Variants in LRP1B observed in about 807,000 individuals in gnomAD.
LRP1B encodes low-density lipoprotein receptor-related protein 1B.
LRP1B carries 217 observed loss-of-function variants against 556.6 expected under a neutral mutation model. The ratio of observed to expected loss-of-function variants is 0.39; its 90% CI spans 0.35 to 0.44. The LOEUF is 0.44. Ranked by LOEUF, LRP1B falls within the 20% of genes least tolerant of loss-of-function variation. The probability of loss-of-function intolerance (pLI) is 1.00; values close to 1 mark genes in which losing one functional copy is unlikely to be tolerated. For synonymous variants in LRP1B, 2,047 were observed against 1,865.8 expected (o/e 1.10, Z -2.50); for missense variants, 5,053 against 5,620.8 (o/e 0.90, Z 3.23).
chr2:141,048,872 A>C (rs1698955493), intron 11 of LRP1B, 114 bp downstream of exon 11: 2 of 782,540 alleles, frequency 2.6e-6, no homozygotes, highest in East Asian at 4.9e-5. Flanking sequence ...ATATTTTTGA[A>C]CCAACCAGAA....
chr2:141,333,609 C>T (rs1274119114), intron 3 of LRP1B, among the ~76,000 whole-genome samples: 1 of 152,170 alleles, frequency 6.6e-6, no homozygotes, highest in African/African-American at 2.4e-5. Flanking sequence ...TTAGGATTCA[C>T]AGCAGCTATG....
At chr2:141,163,961 A>G (rs1680144156) in intron 7 of LRP1B, among the ~76,000 whole-genome samples, 1 of 152,128 alleles carries the variant, frequency 6.6e-6, no homozygotes, top group Admixed American at 6.6e-5. Context: ...TTGACATTAT[A>G]TTACTATTTC....
At chr2:141,570,122 G>A (rs6429907) in intron 2 of LRP1B, among the ~76,000 whole-genome samples, 58,422 of 144,110 alleles carry the variant, frequency 0.41, 13,392 homozygotes, top group Non-Finnish European at 0.49. Context: ...AGAGGCATTT[G>A]GAGGCTCCCA....
intron 2 of LRP1B, among the ~76,000 whole-genome samples, chr2:141,694,160 C>T (rs1691647135): frequency 6.6e-6 from 1 of 152,058 alleles, no homozygotes; most frequent in African/African-American, 2.4e-5. Flanking sequence ...CCTCTCTAAG[C>T]CTTGGTTTCT....
rs2105116304 is a variant in LRP1B, at chr2:140,350,944, A to G, written c.11745T>C (p.Ser3915=). ...TTATTCTTGAATTATGTTCAATATG[A>G]GAAATTTGTTGATGATCGCCACTGT... ...FNYSGDHQQI[S]HIEHNSRITG... Residue 3915 remains serine (S), a synonymous_variant, in exon 77 of 91, where the codon TCT becomes TCC. Coordinates refer to ENST00000389484, the MANE Select transcript of LRP1B (RefSeq NM_018557.3). 1.2e-6 allele frequency: 2 copies of G among 1,610,864 alleles called. No homozygotes were observed. Among genetic ancestry groups the G allele is most frequent in the South Asian group, 1.1e-5 (1 of 90,928 alleles).
At chr2:140,429,900 CAT>C (rs70985099) in intron 66 of LRP1B, among the ~76,000 whole-genome samples, 15,098 of 152,088 alleles carry the variant, frequency 0.099, 901 homozygotes, top group Non-Finnish European at 0.12. Context: ...ACACCTGACA[CAT>C]ATACTTTCTG....
chr2:140,339,488 A>G (rs1202154471), intron 77 of LRP1B, among the ~76,000 whole-genome samples: 1 of 151,710 alleles, frequency 6.6e-6, no homozygotes, highest in African/African-American at 2.4e-5. Context: ...ATCTAAGAAT[A>G]GAAAATTTGA....
chr2:141,754,998 T>TTATA (rs368911650), intron 2 of LRP1B, among the ~76,000 whole-genome samples: 3,994 of 151,942 alleles, frequency 0.026, 166 homozygotes, highest in African/African-American at 0.091. Flanking sequence ...TGCTATCCTC[T>TTATA]TATATATATA....
At chr2:141,438,455 T>C (rs116697368) in intron 3 of LRP1B, among the ~76,000 whole-genome samples, 1 of 152,182 alleles carries the variant, frequency 6.6e-6, no homozygotes, top group Non-Finnish European at 1.5e-5. Flanking sequence ...GCATTTTTCA[T>C]TTCTAATTAC....
chr2:140,831,897 G>C (rs1168920218), intron 31 of LRP1B, among the ~76,000 whole-genome samples: 2 of 152,022 alleles, frequency 1.3e-5, no homozygotes, highest in Non-Finnish European at 2.9e-5. Flanking sequence ...CACACAATTG[G>C]CCAACAGATA....
chr2:140,492,487 A>G, intron 57 of LRP1B, 121 bp downstream of exon 57: 1 of 650,750 alleles, frequency 1.5e-6, no homozygotes, highest in South Asian at 2.3e-5. Flanking sequence ...TTCAAAGAAA[A>G]TATTTCTCCT....
chr2:140,839,575 C>A (rs1173750051), intron 31 of LRP1B, among the ~76,000 whole-genome samples: 1 of 152,162 alleles, frequency 6.6e-6, no homozygotes, highest in African/African-American at 2.4e-5. Flanking sequence ...AGTTCTTCAG[C>A]TTTTAGACTC....
intron 2 of LRP1B, among the ~76,000 whole-genome samples, chr2:141,801,562 G>T (rs373873185): frequency 6.6e-6 from 1 of 152,166 alleles, no homozygotes. Context: ...ACCTACTTTT[G>T]AAAAGTTTGG....
chr2:141,174,415 G>T (rs776291258), intron 7 of LRP1B, among the ~76,000 whole-genome samples: 4 of 152,026 alleles, frequency 2.6e-5, no homozygotes, highest in Non-Finnish European at 5.9e-5. Context: ...GTCAGGGGAG[G>T]GGCCTGGTGG....
intron 2 of LRP1B, among the ~76,000 whole-genome samples, chr2:141,607,141 T>C (rs1244465573): frequency 8.5e-6 from 1 of 118,198 alleles, no homozygotes; most frequent in Non-Finnish European, 1.8e-5. Flanking sequence ...GAATTTTAAC[T>C]ACACATTACT....
chr2:140,631,990 G>A (rs923977796), intron 41 of LRP1B, among the ~76,000 whole-genome samples: 1 of 152,046 alleles, frequency 6.6e-6, no homozygotes, highest in Non-Finnish European at 1.5e-5. Context: ...AAAAAGACTG[G>A]TATGAAATAT....
At chr2:140,425,209 CAATA>C (rs1558873096) in intron 66 of LRP1B, among the ~76,000 whole-genome samples, 1 of 152,150 alleles carries the variant, frequency 6.6e-6, no homozygotes, top group Non-Finnish European at 1.5e-5. Context: ...CTGTTAGTGA[CAATA>C]GATAGTAATT....
intron 1 of LRP1B, among the ~76,000 whole-genome samples, chr2:142,098,706 C>T (rs574868713): frequency 1.3e-5 from 2 of 151,542 alleles, no homozygotes; most frequent in South Asian, 4.2e-4. Context: ...AACAGTAGAG[C>T]CAGAATAAAT....
At position 140,314,829 on chromosome 2, in the gene LRP1B, T is replaced by A. The variant is rs1573776092; in HGVS notation, c.12805+106A>T. ...GTGTTATTATATTGTGTTAGTCTAT[T>A]GTTCATTAAGATATTAGGAAGTATA... On this transcript the variant is annotated intron_variant, in intron 83 of 90. Coordinates refer to ENST00000389484, the MANE Select transcript of LRP1B (RefSeq NM_018557.3). The A allele has an allele frequency of 1.8e-5, 13 of 734,208 alleles. No individual in the cohort carries two copies. In the East Asian group the frequency reaches 3.6e-4, roughly 21 times the overall value. 45.5% of individuals were successfully genotyped at this position (734,208 alleles called of 1,614,324 possible).
Sources: allele counts gnomAD v4.1 joint callset (sites outside exome capture counted in the v4.1 genomes callset), GRCh38; gene constraint gnomAD v4.1.1; transcripts MANE v1.5; gene names NCBI Gene and HGNC (gene_info 2026-07-23, HGNC 2026-07-21).